CLVS1: variants seen among roughly 807,000 people sequenced by gnomAD.
CLVS1 encodes the protein clavesin 1.
A neutral mutation model predicts 33.1 loss-of-function variants in CLVS1; 10 were observed. The ratio of observed to expected loss-of-function variants is 0.30; its 90% CI spans 0.19 to 0.51. The LOEUF (loss-of-function observed/expected upper bound fraction) is 0.51. Among genes scored for constraint, CLVS1 ranks in the 20% least tolerant of loss-of-function variants. The probability of loss-of-function intolerance (pLI) is 0.97; values close to 1 mark genes in which losing one functional copy is unlikely to be tolerated. For missense variants in CLVS1, 343 were observed against 433.4 expected, an observed-to-expected ratio of 0.79 and a Z score of 1.85; for synonymous variants, 163 against 166.1, an observed-to-expected ratio of 0.98 and a Z score of 0.14.
At chr8:61,479,842 A>G (rs903356613) in intron 5 of CLVS1, among the ~76,000 whole-genome samples, 30 of 152,072 alleles carry the variant, frequency 2.0e-4, no homozygotes, top group African/African-American at 7.0e-4. Flanking sequence ...GTTTGCTGGA[A>G]GTCCACTCCA....
chr8:61,395,753 A>G (rs1411788810), intron 3 of CLVS1, among the ~76,000 whole-genome samples: 1 of 152,062 alleles, frequency 6.6e-6, no homozygotes, highest in East Asian at 1.9e-4. Flanking sequence ...ACTCTTTTAC[A>G]CTCACTGTTT....
the CLVS1 span, among the ~76,000 whole-genome samples, chr8:60,994,184 A>G: frequency 6.6e-6 from 1 of 152,120 alleles, no homozygotes; most frequent in Admixed American, 6.5e-5. Context: ...TTCTCCCTGT[A>G]TCTTCACGTG....
intron 2 of CLVS1, among the ~76,000 whole-genome samples, chr8:61,139,815 C>T (rs947415563): frequency 1.3e-5 from 2 of 152,102 alleles, no homozygotes; most frequent in African/African-American, 4.8e-5. Context: ...CTCTGCGGCC[C>T]CGCCATTCTC....
intron 3 of CLVS1, among the ~76,000 whole-genome samples, chr8:61,437,452 G>T (rs920527514): frequency 6.6e-6 from 1 of 152,164 alleles, no homozygotes; most frequent in Non-Finnish European, 1.5e-5. Context: ...GTTATTGATA[G>T]TATTTAGTAT....
the CLVS1 span, among the ~76,000 whole-genome samples, chr8:60,995,961 A>G: frequency 6.6e-6 from 1 of 152,150 alleles, no homozygotes; most frequent in Non-Finnish European, 1.5e-5. Flanking sequence ...GAATTGAACA[A>G]TGAGATCACA....
chr8:61,373,125 T>C (rs1813505019), intron 2 of CLVS1, among the ~76,000 whole-genome samples: 1 of 151,966 alleles, frequency 6.6e-6, no homozygotes, highest in African/African-American at 2.4e-5. Context: ...AAGCTAGGAG[T>C]CCAGAAGTCA....
chr8:61,247,887 G>C (rs1400457824), intron 2 of CLVS1, among the ~76,000 whole-genome samples: 1 of 152,132 alleles, frequency 6.6e-6, no homozygotes, highest in Non-Finnish European at 1.5e-5. Flanking sequence ...GGAGTGCCTA[G>C]GTTGCCTTCC....
chr8:61,220,024 G>A (rs1213007873), intron 2 of CLVS1, among the ~76,000 whole-genome samples: 1 of 152,034 alleles, frequency 6.6e-6, no homozygotes, highest in South Asian at 2.1e-4. Context: ...ATATGTTTAA[G>A]TTCCTTGTAA....
Position 61,455,178 on chromosome 8 carries a change from T to TTGTGTGTG in CLVS1, c.741+952_741+959dup, listed in dbSNP as rs35160609. Among the ~76,000 whole-genome samples, 909 of 147,524 alleles carry TTGTGTGTG rather than the reference T, an allele frequency of 6.2e-3. 1 individual carries two copies. Among genetic ancestry groups the TTGTGTGTG allele is most frequent in the East Asian group, 8.2e-3 (41 of 5,024 alleles). On this transcript the variant is annotated intron_variant, in intron 4 of 5. Coordinates refer to ENST00000325897, the MANE Select transcript of CLVS1 (RefSeq NM_173519.3). The stretch of plus-strand genomic sequence containing the variant: ...ATCTATCACCTCCTATAATTATGAT[T>TTGTGTGTG]TGTGTGTGTGTGTGTGTGTGTGTGT...
intron 2 of CLVS1, among the ~76,000 whole-genome samples, chr8:61,340,148 T>A (rs1811978417): frequency 6.7e-6 from 1 of 149,950 alleles, no homozygotes; most frequent in African/African-American, 2.4e-5. Flanking sequence ...TGCCAGAAAG[T>A]TAGGAGAGGA....
intron 2 of CLVS1, among the ~76,000 whole-genome samples, chr8:61,187,205 T>C (rs1807359620): frequency 1.3e-5 from 2 of 152,064 alleles, no homozygotes; most frequent in African/African-American, 2.4e-5. Context: ...TTGAACTGGG[T>C]CATAAAGACA....
chr8:61,291,057 G>T lies in CLVS1; in HGVS notation c.-152+2919G>T, dbSNP rs572255457. ...TATATTCTTTTGCTTGATTCTTTAT[G>T]GATTGAAAATGAACTGGCCAAACAT... is the stretch of plus-strand genomic sequence containing the variant. On this transcript the variant is annotated intron_variant, in intron 1 of 5. Coordinates refer to ENST00000325897, the MANE Select transcript of CLVS1 (RefSeq NM_173519.3). 1.2e-4 allele frequency among the ~76,000 whole-genome samples: 18 copies of T among 152,174 alleles called. No homozygotes were observed. In the South Asian group the frequency reaches 2.9e-3, roughly 25 times the overall value.
chr8:61,011,726 C>T, the CLVS1 span, among the ~76,000 whole-genome samples: 1 of 152,092 alleles, frequency 6.6e-6, no homozygotes, highest in African/African-American at 2.4e-5. Flanking sequence ...GGATTACAGG[C>T]GTGAACCACC....
intron 5 of CLVS1, chr8:61,458,758 T>G (rs1817256913): frequency 2.2e-6 from 1 of 449,128 alleles, no homozygotes; most frequent in African/African-American, 2.0e-5. Context: ...AAAGGAATAG[T>G]TAAAGGCTAG....
the CLVS1 span, among the ~76,000 whole-genome samples, chr8:61,003,168 C>T: frequency 6.6e-6 from 1 of 152,218 alleles, no homozygotes; most frequent in African/African-American, 2.4e-5. Flanking sequence ...CTGCTCCAAA[C>T]ATTTCCTCTT....
intron 2 of CLVS1, among the ~76,000 whole-genome samples, chr8:61,160,848 C>G (rs964845736): frequency 6.6e-6 from 1 of 152,238 alleles, no homozygotes. Context: ...GTCTGCATAA[C>G]CCAGTCTTAG....
At chr8:61,357,489 C>CTTTTATTTTTTTTTTTTTTTTTTTTTTTT (rs1462908906) in intron 2 of CLVS1, among the ~76,000 whole-genome samples, 1 of 30,284 alleles carries the variant, frequency 3.3e-5, no homozygotes, top group Non-Finnish European at 7.4e-5. Flanking sequence ...TTTCCTTTTT[C>CTTTTATTTTTTTTTTTTTTTTTTTTTTTT]TTTTCTTTTT....
chr8:61,179,203 A>G (rs7015142), intron 2 of CLVS1, among the ~76,000 whole-genome samples: 10,960 of 152,128 alleles, frequency 0.072, 568 homozygotes, highest in African/African-American at 0.13. Flanking sequence ...ATCCTAATTT[A>G]TGGAAAAACA....
At chr8:61,153,184 T>C (rs1229064800) in intron 2 of CLVS1, among the ~76,000 whole-genome samples, 1 of 152,194 alleles carries the variant, frequency 6.6e-6, no homozygotes, top group Non-Finnish European at 1.5e-5. Flanking sequence ...TTATTTTCTC[T>C]ATGCAGAGCA....
Sources: allele counts gnomAD v4.1 joint callset (sites outside exome capture counted in the v4.1 genomes callset), GRCh38; gene constraint gnomAD v4.1.1; transcripts MANE v1.5; gene names NCBI Gene and HGNC (gene_info 2026-07-23, HGNC 2026-07-21).